COMMD10: variants seen among roughly 807,000 people sequenced by gnomAD.
The protein encoded by COMMD10 is COMM domain containing 10, also known as COMM domain-containing protein 10.
COMMD10 carries 33 observed loss-of-function variants against 28.9 expected under a neutral mutation model. The observed-to-expected ratio is 1.14, with a 90% CI of 0.87 to 1.53. The LOEUF is 1.53. COMMD10 is among the 40% of genes most tolerant of loss of function. COMMD10 has a pLI of 0.00. For missense variants in COMMD10, 310 were observed against 233.4 expected, an observed-to-expected ratio of 1.33 and a Z score of -2.14; for synonymous variants, 110 against 81.7, an observed-to-expected ratio of 1.35 and a Z score of -1.87.
At chr5:116,239,864 A>T (rs1236697767) in intron 5 of COMMD10, among the ~76,000 whole-genome samples, 1 of 152,186 alleles carries the variant, frequency 6.6e-6, no homozygotes, top group African/African-American at 2.4e-5. Context: ...AATGATTGAC[A>T]AGGCAGAAAC....
At chr5:116,262,426 T>C (rs1300420793) in intron 5 of COMMD10, among the ~76,000 whole-genome samples, 1 of 151,748 alleles carries the variant, frequency 6.6e-6, no homozygotes, top group Non-Finnish European at 1.5e-5. Context: ...GTGATGTGTA[T>C]ATGTGTTTTT....
intron 5 of COMMD10, among the ~76,000 whole-genome samples, chr5:116,266,954 A>G (rs1040411467): frequency 6.6e-6 from 1 of 151,914 alleles, no homozygotes; most frequent in Non-Finnish European, 1.5e-5. Context: ...TCTCAAAATA[A>G]TAAGAGCTAT....
intron 4 of COMMD10, among the ~76,000 whole-genome samples, chr5:116,119,132 A>G (rs1260303319): frequency 6.6e-6 from 1 of 152,132 alleles, no homozygotes; most frequent in Non-Finnish European, 1.5e-5. Context: ...AAAAAAATAC[A>G]TTGATGATTT....
At chr5:116,251,830 C>A (rs973280814) in intron 5 of COMMD10, among the ~76,000 whole-genome samples, 7 of 152,054 alleles carry the variant, frequency 4.6e-5, no homozygotes, top group South Asian at 2.1e-4. Flanking sequence ...GGCTGGATCA[C>A]ATGGTATTTC....
chr5:116,180,046 C>T (rs184224161), intron 5 of COMMD10, among the ~76,000 whole-genome samples: 2 of 152,136 alleles, frequency 1.3e-5, no homozygotes, highest in Non-Finnish European at 2.9e-5. Context: ...AAGATTATTA[C>T]TCAGTATTAA....
At chr5:116,161,486 C>T (rs1752914454) in intron 5 of COMMD10, among the ~76,000 whole-genome samples, 1 of 151,982 alleles carries the variant, frequency 6.6e-6, no homozygotes, top group African/African-American at 2.4e-5. Context: ...AGTGACAAAT[C>T]AGCATATGAC....
At chr5:116,182,009 T>A (rs866125018) in intron 5 of COMMD10, among the ~76,000 whole-genome samples, 5 of 152,028 alleles carry the variant, frequency 3.3e-5, no homozygotes, top group African/African-American at 1.2e-4. Flanking sequence ...ACAGACAAAT[T>A]ATGTAGTTGC....
intron 5 of COMMD10, among the ~76,000 whole-genome samples, chr5:116,196,356 G>A (rs1748521115): frequency 1.3e-5 from 2 of 152,156 alleles, no homozygotes; most frequent in South Asian, 4.1e-4. Context: ...TGAAGAGAGG[G>A]AGGGGGTGAG....
intron 5 of COMMD10, among the ~76,000 whole-genome samples, chr5:116,233,302 T>C (rs1749575057): frequency 6.6e-6 from 1 of 152,092 alleles, no homozygotes; most frequent in Non-Finnish European, 1.5e-5. Context: ...TCTTTTACAG[T>C]GCTTAATATA....
chr5:116,194,584 C>G (rs1403922517), intron 5 of COMMD10, among the ~76,000 whole-genome samples: 1 of 152,058 alleles, frequency 6.6e-6, no homozygotes, highest in African/African-American at 2.4e-5. Context: ...TGGATAAATT[C>G]CTGGAAAGAT....
Position 116,292,540 on chromosome 5 carries a change from G to T in COMMD10, c.*51G>T, listed in dbSNP as rs114923042. 10,603 of 1,472,498 alleles carry T rather than the reference G, an allele frequency of 7.2e-3. 47 individuals carry two copies. Among genetic ancestry groups the T allele is most frequent in the Non-Finnish European group, 8.7e-3 (9,496 of 1,085,436 alleles). The allele number at this position is 1,472,498 out of a possible 1,614,324, so 91.2% of individuals were successfully genotyped here. On this transcript the variant is annotated 3_prime_UTR_variant, in exon 7 of 7. Coordinates refer to ENST00000274458, the MANE Select transcript of COMMD10 (RefSeq NM_016144.4). The stretch of plus-strand genomic sequence containing the variant: ...CACGCTCCTGCCACCTCATTATTTT[G>T]CATTGAAGATACATTGCCAGGTTGT...
At chr5:116,237,397 CA>C (rs1749695588) in intron 5 of COMMD10, among the ~76,000 whole-genome samples, 1 of 152,088 alleles carries the variant, frequency 6.6e-6, no homozygotes, top group South Asian at 2.1e-4. Context: ...TTTATTAAAA[CA>C]GATGTAACAT....
At chr5:116,141,195 T>C (rs748582882) in intron 5 of COMMD10, among the ~76,000 whole-genome samples, 19 of 151,940 alleles carry the variant, frequency 1.3e-4, no homozygotes, top group Non-Finnish European at 2.2e-4. Context: ...TCTTTCGTTA[T>C]TGCATCTTCT....
intron 5 of COMMD10, among the ~76,000 whole-genome samples, chr5:116,163,571 A>G (rs1413325141): frequency 6.6e-6 from 1 of 152,080 alleles, no homozygotes; most frequent in African/African-American, 2.4e-5. Context: ...CCTGGGCAAC[A>G]ATAGCAACAC....
At chr5:116,254,592 A>G (rs865812451) in intron 5 of COMMD10, among the ~76,000 whole-genome samples, 1 of 151,548 alleles carries the variant, frequency 6.6e-6, no homozygotes, top group Admixed American at 6.6e-5. Context: ...TTCAGTTTCC[A>G]TGTAGTTGAG....
intron 5 of COMMD10, among the ~76,000 whole-genome samples, chr5:116,249,086 A>G (rs1437564338): frequency 2.6e-5 from 4 of 151,972 alleles, no homozygotes; most frequent in Admixed American, 6.6e-5. Flanking sequence ...ACATCAGAGC[A>G]TGGTTACCAT....
chr5:116,105,314 G>T (rs1458957717), intron 4 of COMMD10, among the ~76,000 whole-genome samples: 1 of 152,164 alleles, frequency 6.6e-6, no homozygotes, highest in Non-Finnish European at 1.5e-5. Flanking sequence ...AAGCCGACTT[G>T]ATCATGGTGG....
intron 5 of COMMD10, among the ~76,000 whole-genome samples, chr5:116,231,171 G>A (rs1332294261): frequency 2.0e-5 from 3 of 152,128 alleles, no homozygotes; most frequent in Non-Finnish European, 4.4e-5. Context: ...CCTATTGGTG[G>A]TAGGTGTTAG....
intron 5 of COMMD10, among the ~76,000 whole-genome samples, chr5:116,223,224 T>C (rs1343850821): frequency 2.6e-5 from 4 of 151,974 alleles, no homozygotes; most frequent in Non-Finnish European, 5.9e-5. Flanking sequence ...GGAGATAGGA[T>C]AAAATGTAAG....
Sources: gnomAD v4.1 joint callset for allele counts (sites outside exome capture counted in the v4.1 genomes callset) on GRCh38, gnomAD v4.1.1 for gene constraint, MANE v1.5 for transcripts, NCBI Gene and HGNC (gene_info 2026-07-23, HGNC 2026-07-21) for gene names.